The following WDR27 variants were observed in gnomAD, a reference collection of about 807,000 sequenced individuals.
The protein encoded by WDR27 is WD repeat-containing protein 27.
A neutral mutation model predicts 114.4 loss-of-function variants in WDR27; 100 were observed. The ratio of observed to expected loss-of-function variants is 0.87; its 90% CI spans 0.74 to 1.03. The LOEUF is 1.03. Ranked by LOEUF, WDR27 falls within the 50% of genes least tolerant of loss-of-function variation. WDR27 has a pLI of 0.00. For synonymous variants in WDR27, 449 were observed against 423.1 expected (o/e 1.06, Z -0.75); for missense variants, 1,129 against 1,092.9 (o/e 1.03, Z -0.47).
In WDR27 at chr6:169,697,834, T is replaced by C. The variant is rs1446134373; in HGVS notation, c.-8+3717A>G. ...AATAAATATCAGTGCAGCCTGGCATTTGGGGCCACTACCGGTCTCCGTGAC... is the reference window on the plus strand; with the variant it reads ...AATAAATATCAGTGCAGCCTGGCATCTGGGGCCACTACCGGTCTCCGTGAC... On this transcript the variant is annotated intron_variant, in intron 1 of 25. Transcript: ENST00000448612. Among the ~76,000 whole-genome samples, 4 of 152,150 alleles carry C rather than the reference T, an allele frequency of 2.6e-5. 1 individual carries two copies. The highest frequency in any genetic ancestry group is 2.0e-4 in the Admixed American group (3 of 15,284).
intron 22 of WDR27, among the ~76,000 whole-genome samples, chr6:169,605,400 C>T (rs1386754738): frequency 1.3e-5 from 2 of 151,492 alleles, no homozygotes; most frequent in Non-Finnish European, 2.9e-5. Flanking sequence ...ATATAATTAA[C>T]CAAGGAGGTA....
the WDR27 span, among the ~76,000 whole-genome samples, chr6:169,445,994 A>G: frequency 6.6e-6 from 1 of 152,172 alleles, no homozygotes; most frequent in Non-Finnish European, 1.5e-5. Flanking sequence ...AGGCTCCACA[A>G]TGAGGTGTGG....
chr6:169,430,970 G>T, the WDR27 span, among the ~76,000 whole-genome samples: 1 of 152,132 alleles, frequency 6.6e-6, no homozygotes. Context: ...GAGACCGGGG[G>T]TGGGAGCACT....
chr6:169,688,771 C>T (rs1304719541), intron 2 of WDR27, 46 bp downstream of exon 2: 3 of 1,471,830 alleles, frequency 2.0e-6, no homozygotes, highest in East Asian at 4.9e-5. Flanking sequence ...CATGGAGAGA[C>T]AAGGGCAAGG....
intron 25 of WDR27, among the ~76,000 whole-genome samples, chr6:169,560,250 C>T (rs1310051014): frequency 6.6e-6 from 1 of 152,162 alleles, no homozygotes; most frequent in African/African-American, 2.4e-5. Context: ...GCTTCTCTCT[C>T]ATTCTCTCTT....
intron 21 of WDR27, among the ~76,000 whole-genome samples, chr6:169,625,865 A>G (rs1391473497): frequency 6.6e-6 from 1 of 152,130 alleles, no homozygotes; most frequent in African/African-American, 2.4e-5. Flanking sequence ...TGTGTGTCAC[A>G]TGGGAGCTGG....
At chr6:169,448,654 G>A in the WDR27 span, among the ~76,000 whole-genome samples, 3 of 152,172 alleles carry the variant, frequency 2.0e-5, no homozygotes, top group Non-Finnish European at 4.4e-5. Flanking sequence ...GGTGAGAAGA[G>A]GTGAACATTC....
At chr6:169,463,567 A>T (rs1227103329) in intron 25 of WDR27, among the ~76,000 whole-genome samples, 1 of 152,246 alleles carries the variant, frequency 6.6e-6, no homozygotes, top group African/African-American at 2.4e-5. Flanking sequence ...AAAATAAATT[A>T]AAAGTACCCA....
chr6:169,615,309 G>C (rs916901288), intron 21 of WDR27, among the ~76,000 whole-genome samples: 3 of 152,072 alleles, frequency 2.0e-5, no homozygotes, highest in African/African-American at 7.2e-5. Flanking sequence ...TTGTTGTACA[G>C]ATTATGTCAT....
At chr6:169,490,423 G>A (rs1027565879) in intron 25 of WDR27, among the ~76,000 whole-genome samples, 20 of 152,320 alleles carry the variant, frequency 1.3e-4, no homozygotes, top group African/African-American at 4.8e-4. Context: ...CAAATCATCA[G>A]GGAGCCAGGT....
chr6:169,496,807 G>A (rs917821342), intron 25 of WDR27, among the ~76,000 whole-genome samples: 1 of 152,062 alleles, frequency 6.6e-6, no homozygotes, highest in Admixed American at 6.5e-5. Flanking sequence ...GTAAATTAAT[G>A]GAAACATATT....
At chr6:169,508,722 C>T (rs984930633) in intron 25 of WDR27, among the ~76,000 whole-genome samples, 1 of 152,174 alleles carries the variant, frequency 6.6e-6, no homozygotes, top group Admixed American at 6.5e-5. Flanking sequence ...GCTTAAACAA[C>T]TTTACAACAC....
chr6:169,642,731 C>T (rs923341150), intron 17 of WDR27, among the ~76,000 whole-genome samples: 6 of 152,176 alleles, frequency 3.9e-5, no homozygotes, highest in Non-Finnish European at 7.4e-5. Context: ...ACTGGGGGCG[C>T]TCATCTGCTC....
At chr6:169,576,327 C>T (rs1802331993) in intron 24 of WDR27, among the ~76,000 whole-genome samples, 1 of 152,244 alleles carries the variant, frequency 6.6e-6, no homozygotes, top group African/African-American at 2.4e-5. Context: ...GGTGGGACTT[C>T]ACCAGTCGGC....
chr6:169,511,308 T>C (rs1342913223), intron 25 of WDR27, among the ~76,000 whole-genome samples: 1 of 152,230 alleles, frequency 6.6e-6, no homozygotes, highest in Admixed American at 6.5e-5. Context: ...AATAAATATG[T>C]TCCATTAAAA....
intron 14 of WDR27, among the ~76,000 whole-genome samples, chr6:169,651,407 T>G (rs1822525452): frequency 6.6e-6 from 1 of 152,018 alleles, no homozygotes; most frequent in East Asian, 1.9e-4. Context: ...CATTTGCCTT[T>G]GAGGAGTGGG....
intron 25 of WDR27, among the ~76,000 whole-genome samples, chr6:169,481,565 C>G (rs1405925437): frequency 6.6e-6 from 1 of 152,216 alleles, no homozygotes; most frequent in Non-Finnish European, 1.5e-5. Flanking sequence ...CCGCAAAAGT[C>G]TGCAGCTTCA....
chr6:169,520,674 T>G (rs9396962), intron 25 of WDR27, among the ~76,000 whole-genome samples: 1 of 151,840 alleles, frequency 6.6e-6, no homozygotes, highest in East Asian at 1.9e-4. Context: ...ATTCAGAAAT[T>G]TATCAGAAAA....
intron 2 of WDR27, among the ~76,000 whole-genome samples, chr6:169,680,636 G>A (rs1217744208): frequency 6.6e-6 from 1 of 152,136 alleles, no homozygotes; most frequent in Non-Finnish European, 1.5e-5. Flanking sequence ...AAAGATCCCT[G>A]AATGTTTAAC....
Sources: allele counts gnomAD v4.1 joint callset (sites outside exome capture counted in the v4.1 genomes callset), GRCh38; gene constraint gnomAD v4.1.1; transcripts MANE v1.5; gene names NCBI Gene and HGNC (gene_info 2026-07-23, HGNC 2026-07-21).